Variants in MAF observed in about 807,000 individuals in gnomAD.
The protein encoded by MAF is transcription factor Maf.
MAF carries 10 observed loss-of-function variants against 22.0 expected under a neutral mutation model. That is an observed-to-expected ratio of 0.45 (90% CI 0.28 to 0.77). MAF has a LOEUF of 0.77. Ranked by LOEUF, MAF falls within the 30% of genes least tolerant of loss-of-function variation. The pLI is 0.12. For synonymous variants in MAF, 337 were observed against 255.8 expected, an observed-to-expected ratio of 1.32 and a Z score of -3.03; for missense variants, 544 against 548.4, an observed-to-expected ratio of 0.99 and a Z score of 0.08.
chr16:79,467,623 T>C, the MAF span, among the ~76,000 whole-genome samples: 2 of 152,152 alleles, frequency 1.3e-5, no homozygotes, highest in African/African-American at 4.8e-5. Flanking sequence ...AGCAGCAGCA[T>C]CAACATTACT....
the MAF span, among the ~76,000 whole-genome samples, chr16:79,330,481 G>T: frequency 6.6e-6 from 1 of 152,316 alleles, no homozygotes; most frequent in African/African-American, 2.4e-5. Flanking sequence ...GTACAGGAAT[G>T]CTCTGGCCAT....
At chr16:79,325,292 G>A in the MAF span, among the ~76,000 whole-genome samples, 1 of 152,192 alleles carries the variant, frequency 6.6e-6, no homozygotes, top group Non-Finnish European at 1.5e-5. Context: ...TCAACTCTGA[G>A]CGACAACCGT....
chr16:79,551,104 T>G, the MAF span, among the ~76,000 whole-genome samples: 14 of 152,180 alleles, frequency 9.2e-5, no homozygotes, highest in South Asian at 6.2e-4. Flanking sequence ...CTCACCCTAG[T>G]CTCCTTCCTT....
the MAF span, among the ~76,000 whole-genome samples, chr16:79,554,803 C>T: frequency 6.6e-6 from 1 of 152,166 alleles, no homozygotes; most frequent in Admixed American, 6.5e-5. Context: ...TGTGACCCCT[C>T]AGTTTCTCAT....
the MAF span, among the ~76,000 whole-genome samples, chr16:79,553,860 G>A: frequency 1.1e-3 from 162 of 152,160 alleles, no homozygotes; most frequent in Middle Eastern, 3.4e-3. Flanking sequence ...AGGCCGAGGC[G>A]GGTGGATCAT....
chr16:79,582,362 G>C (rs1912573745), downstream of MAF, among the ~76,000 whole-genome samples: 1 of 149,932 alleles, frequency 6.7e-6, no homozygotes, highest in African/African-American at 2.5e-5. Context: ...TTTGTTTTAA[G>C]TAAGTAATGA....
chr16:79,540,650 G>A, the MAF span, among the ~76,000 whole-genome samples: 1 of 152,214 alleles, frequency 6.6e-6, no homozygotes, highest in Non-Finnish European at 1.5e-5. Flanking sequence ...CCCGGTGCAT[G>A]CCGGGGAGAT....
chr16:79,567,139 G>A, the MAF span, among the ~76,000 whole-genome samples: 111 of 152,282 alleles, frequency 7.3e-4, no homozygotes, highest in Admixed American at 1.8e-3. Context: ...CCAACATGGC[G>A]AAACCCTGTC....
chr16:79,233,604 C>T, the MAF span, among the ~76,000 whole-genome samples: 13 of 152,138 alleles, frequency 8.5e-5, no homozygotes, highest in East Asian at 1.5e-3. Context: ...TCACAGGAAC[C>T]AGCTCTGTCC....
chr16:79,549,739 TCTC>T, the MAF span, among the ~76,000 whole-genome samples: 6 of 152,200 alleles, frequency 3.9e-5, no homozygotes, highest in East Asian at 1.2e-3. Flanking sequence ...GGAAGCTGAG[TCTC>T]CTCCTCCTAG....
chr16:79,225,166 A>G, the MAF span, among the ~76,000 whole-genome samples: 2 of 152,354 alleles, frequency 1.3e-5, no homozygotes, highest in East Asian at 3.9e-4. Context: ...AAACAGATAT[A>G]TAGATTAATG....
the MAF span, among the ~76,000 whole-genome samples, chr16:79,373,984 G>A: frequency 1.3e-5 from 2 of 152,124 alleles, no homozygotes; most frequent in African/African-American, 4.8e-5. Context: ...AGAGAATTAG[G>A]TTAATTCTCA....
chr16:79,361,852 G>C, the MAF span, among the ~76,000 whole-genome samples: 1 of 152,194 alleles, frequency 6.6e-6, no homozygotes, highest in Non-Finnish European at 1.5e-5. Context: ...GGCTGTTACA[G>C]AGAGGCATCT....
the MAF span, among the ~76,000 whole-genome samples, chr16:79,497,708 C>T: frequency 6.6e-6 from 1 of 152,172 alleles, no homozygotes. Flanking sequence ...ATATAATGAA[C>T]ACTCAAGAAA....
chr16:79,324,204 A>G, the MAF span, among the ~76,000 whole-genome samples: 4 of 152,184 alleles, frequency 2.6e-5, no homozygotes, highest in African/African-American at 9.7e-5. Flanking sequence ...ATTTCATAGG[A>G]TAAAATGAAA....
downstream of MAF, chr16:79,593,690 T>C (rs556554859): frequency 8.0e-5 from 13 of 162,786 alleles, no homozygotes; most frequent in South Asian, 1.6e-3. Flanking sequence ...TGTCAATATA[T>C]TAATGTGTCA....
chr16:79,368,798 A>C, the MAF span, among the ~76,000 whole-genome samples: 2 of 152,110 alleles, frequency 1.3e-5, no homozygotes, highest in Non-Finnish European at 2.9e-5. Flanking sequence ...TCACACCTTT[A>C]GTCTTTGCTC....
chr16:79,381,402 G>GT, the MAF span, among the ~76,000 whole-genome samples: 10 of 152,072 alleles, frequency 6.6e-5, no homozygotes, highest in Non-Finnish European at 1.5e-4. Context: ...AGATAAGTGT[G>GT]TTTGTGATGT....
At chr16:79,515,391 TACAA>T in the MAF span, among the ~76,000 whole-genome samples, 1 of 152,246 alleles carries the variant, frequency 6.6e-6, no homozygotes, top group Non-Finnish European at 1.5e-5. Context: ...TGAATACCCA[TACAA>T]ACATTCTGTT....
Sources: gnomAD v4.1 joint callset for allele counts (sites outside exome capture counted in the v4.1 genomes callset) on GRCh38, gnomAD v4.1.1 for gene constraint, MANE v1.5 for transcripts, NCBI Gene and HGNC (gene_info 2026-07-23, HGNC 2026-07-21) for gene names.